The following LRRC4C variants were observed in gnomAD, a reference collection of about 807,000 sequenced individuals.
LRRC4C encodes leucine rich repeat containing 4C, also known as leucine-rich repeat-containing protein 4C.
In LRRC4C, 5 loss-of-function variants were observed where a neutral mutation model predicts 33.6. The observed-to-expected ratio is 0.15, with a 90% CI of 0.08 to 0.31. LRRC4C has a LOEUF of 0.31. LRRC4C is among the 10% of genes least tolerant of loss of function. The pLI is 1.00. For missense variants in LRRC4C, 560 were observed against 796.7 expected (o/e 0.70, Z 3.58); for synonymous variants, 329 against 302.0 (o/e 1.09, Z -0.93).
At chr11:41,018,966 A>G (rs919523022) in intron 1 of LRRC4C, among the ~76,000 whole-genome samples, 1 of 152,126 alleles carries the variant, frequency 6.6e-6, no homozygotes, top group East Asian at 1.9e-4. Context: ...ACCTATTACA[A>G]TCAAGATATA....
At chr11:40,737,545 G>A (rs553353151) in intron 2 of LRRC4C, among the ~76,000 whole-genome samples, 22 of 150,662 alleles carry the variant, frequency 1.5e-4, no homozygotes, top group South Asian at 4.2e-4. Context: ...ATCTACGTGC[G>A]AAAATCACAA....
intron 5 of LRRC4C, among the ~76,000 whole-genome samples, chr11:40,199,449 A>G (rs1029807149): frequency 5.3e-5 from 8 of 152,130 alleles, no homozygotes; most frequent in African/African-American, 1.9e-4. Flanking sequence ...CTTTATAACA[A>G]TAAGGTTTTT....
At chr11:40,132,828 C>G (rs998107591) in intron 6 of LRRC4C, among the ~76,000 whole-genome samples, 1 of 151,706 alleles carries the variant, frequency 6.6e-6, no homozygotes, top group East Asian at 1.9e-4. Context: ...TCGGGATGCA[C>G]AATAGGCTGA....
intron 4 of LRRC4C, among the ~76,000 whole-genome samples, chr11:40,301,034 A>G (rs1944750250): frequency 6.6e-6 from 1 of 152,202 alleles, no homozygotes; most frequent in Non-Finnish European, 1.5e-5. Context: ...AGGGTTACCC[A>G]TTGATAATCT....
chr11:40,866,242 A>G (rs2135898348), intron 2 of LRRC4C, among the ~76,000 whole-genome samples: 1 of 151,314 alleles, frequency 6.6e-6, no homozygotes, highest in South Asian at 2.1e-4. Context: ...TTCTATAAAT[A>G]CTAATACAGT....
chr11:40,206,957 C>G (rs765320769), intron 5 of LRRC4C, among the ~76,000 whole-genome samples: 1 of 151,740 alleles, frequency 6.6e-6, no homozygotes, highest in Non-Finnish European at 1.5e-5. Context: ...CACTCACAAA[C>G]AAACAAACAA....
At chr11:40,359,918 T>G (rs973400912) in intron 3 of LRRC4C, among the ~76,000 whole-genome samples, 1 of 152,126 alleles carries the variant, frequency 6.6e-6, no homozygotes, top group Non-Finnish European at 1.5e-5. Context: ...GGGAAAAAAG[T>G]GAAATCCACA....
rs187559501 is a variant in LRRC4C, at chr11:40,204,549, C to T, written c.-96+36970G>A. ...AATGTAATCAACAAGGAGACAGCAT[C>T]GCTATCTCCCAGTTTTTCTGAGAGT... On this transcript the variant is annotated intron_variant, in intron 5 of 6. Coordinates refer to ENST00000528697, the MANE Select transcript of LRRC4C (RefSeq NM_001258419.2). Among the ~76,000 whole-genome samples, 40 of 152,254 alleles carry T rather than the reference C, an allele frequency of 2.6e-4. No homozygotes were observed. The East Asian group carries it at 7.2e-3, about 27-fold the overall frequency.
rs113347184 is a variant in LRRC4C, at chr11:40,531,149, A to G, written c.-270+116993T>C. 6.7e-3 allele frequency among the ~76,000 whole-genome samples: 1,019 copies of G among 152,184 alleles called. 17 individuals carry two copies. The highest frequency in any genetic ancestry group is 0.024 in the African/African-American group (978 of 41,534). On this transcript the variant is annotated intron_variant, in intron 3 of 6. Transcript: ENST00000528697. ...GCTACTTGCCCTTTCTCTTTTAGAC[A>G]AGCTCTAGGTTCACAGCAAAATTGA...
chr11:40,955,088 C>T (rs1048882229), intron 1 of LRRC4C, among the ~76,000 whole-genome samples: 6 of 151,756 alleles, frequency 4.0e-5, no homozygotes, highest in African/African-American at 1.5e-4. Context: ...AAAATGGAAC[C>T]AATTGCCAGT....
intron 4 of LRRC4C, among the ~76,000 whole-genome samples, chr11:40,296,932 G>A (rs1944543860): frequency 6.6e-6 from 1 of 152,110 alleles, no homozygotes; most frequent in Admixed American, 6.5e-5. Flanking sequence ...GAGAAGAGGA[G>A]GCACAGTGCT....
Position 41,051,520 on chromosome 11 carries a change from C to CAAAAAAAAAAAAAAAAAAAAAAAAAAAAA in LRRC4C, c.-495-117826_-495-117798dup, listed in dbSNP as rs530003573. On this transcript the variant is annotated intron_variant, in intron 1 of 6. Coordinates refer to ENST00000528697, the MANE Select transcript of LRRC4C (RefSeq NM_001258419.2). ...CTCAGTCCCTCCCAGGGTCTCAAGG[C>CAAAAAAAAAAAAAAAAAAAAAAAAAAAAA]AAAAAAAAAAAAAAAAAAAAAAAAA... is the stretch of plus-strand genomic sequence containing the variant. Among the ~76,000 whole-genome samples, 37 of 60,288 alleles carry CAAAAAAAAAAAAAAAAAAAAAAAAAAAAA rather than the reference C, an allele frequency of 6.1e-4. 6 individuals are homozygous for CAAAAAAAAAAAAAAAAAAAAAAAAAAAAA. The highest frequency in any genetic ancestry group is 8.8e-4 in the Admixed American group (3 of 3,410). 39.6% of individuals were successfully genotyped at this position (60,288 alleles called of 152,430 possible).
At chr11:40,339,688 T>G (rs1946778852) in intron 3 of LRRC4C, among the ~76,000 whole-genome samples, 1 of 152,108 alleles carries the variant, frequency 6.6e-6, no homozygotes, top group Admixed American at 6.6e-5. Context: ...GGCAGAAAAT[T>G]TTTGTTAATC....
rs558632489 is a variant in LRRC4C, at chr11:41,369,326, T to C, written c.-496+90105A>G. ...TAGAAAGATGTTAAAAGAGTAACAATTGAGATCAGAGTTGATTTAGAAAGA... is the reference window on the plus strand; with the variant it reads ...TAGAAAGATGTTAAAAGAGTAACAACTGAGATCAGAGTTGATTTAGAAAGA... On this transcript the variant is annotated intron_variant, in intron 1 of 6. Coordinates refer to ENST00000528697, the MANE Select transcript of LRRC4C (RefSeq NM_001258419.2). 3.3e-4 allele frequency among the ~76,000 whole-genome samples: 50 copies of C among 152,112 alleles called. No individual in the cohort carries two copies. The South Asian group carries it at 9.8e-3, about 30-fold the overall frequency.
intron 3 of LRRC4C, among the ~76,000 whole-genome samples, chr11:40,390,622 C>A (rs1432405988): frequency 6.6e-6 from 1 of 152,010 alleles, no homozygotes; most frequent in Non-Finnish European, 1.5e-5. Flanking sequence ...ATAAAATAAA[C>A]ATCTAATATA....
chr11:41,002,902 G>A (rs2137408612), intron 1 of LRRC4C, among the ~76,000 whole-genome samples: 1 of 152,174 alleles, frequency 6.6e-6, no homozygotes, highest in East Asian at 1.9e-4. Context: ...CAAATGCAAG[G>A]TGGTACTTTA....
At chr11:41,103,454 A>G (rs910953306) in intron 1 of LRRC4C, among the ~76,000 whole-genome samples, 1 of 150,940 alleles carries the variant, frequency 6.6e-6, no homozygotes, top group Non-Finnish European at 1.5e-5. Context: ...GAGTAGTCAT[A>G]ATGTCATTCT....
At chr11:41,133,050 G>T (rs1200874531) in intron 1 of LRRC4C, among the ~76,000 whole-genome samples, 1 of 152,096 alleles carries the variant, frequency 6.6e-6, no homozygotes, top group Non-Finnish European at 1.5e-5. Flanking sequence ...CCTTTAGGTA[G>T]CGAGGGCCTG....
chr11:40,585,560 G>A (rs965282256), intron 3 of LRRC4C, among the ~76,000 whole-genome samples: 15 of 147,694 alleles, frequency 1.0e-4, no homozygotes, highest in Admixed American at 2.0e-4. Context: ...CCATGCTGGT[G>A]CGCTGCACCC....
Sources: allele counts gnomAD v4.1 joint callset (sites outside exome capture counted in the v4.1 genomes callset), GRCh38; gene constraint gnomAD v4.1.1; transcripts MANE v1.5; gene names NCBI Gene and HGNC (gene_info 2026-07-23, HGNC 2026-07-21).